Variants in RNF175 observed in about 807,000 individuals in gnomAD.
RNF175 encodes the protein ring finger protein 175.
In RNF175, 38 loss-of-function variants were observed where a neutral mutation model predicts 50.0. The observed-to-expected ratio is 0.76, with a 90% CI of 0.59 to 1.00. RNF175 has a LOEUF of 1.00. Among genes scored for constraint, RNF175 ranks in the 50% least tolerant of loss-of-function variants. The probability of loss-of-function intolerance (pLI) is 0.00; values close to 1 mark genes in which losing one functional copy is unlikely to be tolerated. For synonymous variants in RNF175, 155 were observed against 146.1 expected (o/e 1.06, Z -0.44); for missense variants, 388 against 409.6 (o/e 0.95, Z 0.46).
Position 153,720,308 on chromosome 4 carries a change from T to C in RNF175, c.510-4A>G, listed in dbSNP as rs767845740. On this transcript the variant is annotated splice_region_variant and splice_polypyrimidine_tract_variant and intron_variant, in intron 5 of 8. Transcript: ENST00000347063. ...CATGGAATCTCTAGCTTTGATTCTA[T>C]TGAAAACAACAGTATAAGGAAATAA... 2.5e-5 allele frequency: 40 copies of C among 1,612,326 alleles called. No individual in the cohort carries two copies. The highest frequency in any genetic ancestry group is 3.1e-5 in the Non-Finnish European group (37 of 1,178,512).
chr4:153,756,069 C>G (rs768803558), intron 1 of RNF175, among the ~76,000 whole-genome samples: 4 of 152,112 alleles, frequency 2.6e-5, no homozygotes, highest in Non-Finnish European at 5.9e-5. Flanking sequence ...GGTGATACAT[C>G]CTGGGCATTT....
intron 3 of RNF175, among the ~76,000 whole-genome samples, chr4:153,732,475 C>T (rs955424452): frequency 6.6e-6 from 1 of 152,142 alleles, no homozygotes; most frequent in African/African-American, 2.4e-5. Flanking sequence ...TTTGAGCAGA[C>T]ACAATGCTTT....
chr4:153,750,401 G>A (rs1740221426), intron 2 of RNF175, among the ~76,000 whole-genome samples: 1 of 152,164 alleles, frequency 6.6e-6, no homozygotes, highest in South Asian at 2.1e-4. Flanking sequence ...CAAATCCCAA[G>A]GGTGCCCCCT....
intron 5 of RNF175, among the ~76,000 whole-genome samples, chr4:153,721,793 C>T (rs1263976973): frequency 1.3e-5 from 2 of 151,990 alleles, no homozygotes; most frequent in Admixed American, 6.5e-5. Context: ...CAAAAAAATC[C>T]TTATGAGTAT....
At position 153,718,043 on chromosome 4, in the gene RNF175, A is replaced by G. The variant is rs557365087; in HGVS notation, c.630+2141T>C. On this transcript the variant is annotated intron_variant, in intron 6 of 8. Transcript: ENST00000347063. Reference sequence around the variant, plus strand: ...CTCCTTCCCTAAAGCCTTGGCAACCATGGATCTGTTTAGCAACTCTATAGT... The same window carrying G: ...CTCCTTCCCTAAAGCCTTGGCAACCGTGGATCTGTTTAGCAACTCTATAGT... 3.9e-5 allele frequency among the ~76,000 whole-genome samples: 6 copies of G among 152,092 alleles called. No individual in the cohort carries two copies. In the South Asian group the frequency reaches 1.0e-3, roughly 26 times the overall value.
intron 1 of RNF175, among the ~76,000 whole-genome samples, chr4:153,754,734 GAC>G (rs1432219711): frequency 6.6e-6 from 1 of 152,192 alleles, no homozygotes; most frequent in Admixed American, 6.5e-5. Flanking sequence ...CAGAGACACA[GAC>G]ACAGAATAGC....
chr4:153,740,765 C>G (rs947964362), intron 3 of RNF175, among the ~76,000 whole-genome samples: 2 of 152,068 alleles, frequency 1.3e-5, no homozygotes, highest in African/African-American at 4.8e-5. Flanking sequence ...GTGTTTTTTT[C>G]CTCCTTCTAG....
At chr4:153,753,449 C>T (rs12512426) in intron 1 of RNF175, among the ~76,000 whole-genome samples, 72,968 of 151,932 alleles carry the variant, frequency 0.48, 17,868 homozygotes, top group Admixed American at 0.52. Context: ...CTGGCAGCAT[C>T]ACCTCTAGAT....
At chr4:153,720,575 T>A in intron 5 of RNF175, 1 of 343,026 alleles carries the variant, frequency 2.9e-6, no homozygotes, top group Non-Finnish European at 5.6e-6. Context: ...AAGCTGACTC[T>A]GACCAGTGGT....
At chr4:153,727,641 A>G (rs948287767) in intron 4 of RNF175, 1 of 152,240 alleles carries the variant, frequency 6.6e-6, no homozygotes, top group African/African-American at 2.4e-5. Flanking sequence ...GGGCAAAAGC[A>G]AGCCTGTGGG....
At chr4:153,746,845 T>G (rs990913048) in intron 3 of RNF175, among the ~76,000 whole-genome samples, 4 of 152,232 alleles carry the variant, frequency 2.6e-5, no homozygotes, top group Non-Finnish European at 5.9e-5. Context: ...CTTTGAAATC[T>G]AAGTGGAGGC....
At chr4:153,747,362 G>A (rs1476819848) in intron 3 of RNF175, among the ~76,000 whole-genome samples, 1 of 152,108 alleles carries the variant, frequency 6.6e-6, no homozygotes, top group African/African-American at 2.4e-5. Flanking sequence ...AAGAAGCCAT[G>A]CAGGTCCTTC....
intron 1 of RNF175, among the ~76,000 whole-genome samples, chr4:153,755,357 C>A (rs983551380): frequency 6.6e-6 from 1 of 152,238 alleles, no homozygotes; most frequent in Non-Finnish European, 1.5e-5. Flanking sequence ...CTAGCAAGAG[C>A]TTAACAGTGC....
intron 1 of RNF175, among the ~76,000 whole-genome samples, chr4:153,758,988 T>C (rs369950616): frequency 6.6e-6 from 1 of 152,170 alleles, no homozygotes; most frequent in South Asian, 2.1e-4. Context: ...AATCTCTTCC[T>C]ACCCGCTCTG....
intron 3 of RNF175, among the ~76,000 whole-genome samples, chr4:153,733,202 G>T (rs765358388): frequency 1.7e-4 from 26 of 152,052 alleles, no homozygotes; most frequent in Admixed American, 1.2e-3. Flanking sequence ...TTTTGAATTA[G>T]TCTGTGTCCT....
intron 3 of RNF175, among the ~76,000 whole-genome samples, chr4:153,742,550 A>C (rs1027595917): frequency 6.6e-6 from 1 of 152,094 alleles, no homozygotes; most frequent in East Asian, 1.9e-4. Context: ...AACACTTACT[A>C]TGGATCAGCC....
At chr4:153,752,122 T>G (rs1740322126) in intron 1 of RNF175, among the ~76,000 whole-genome samples, 1 of 152,222 alleles carries the variant, frequency 6.6e-6, no homozygotes, top group Non-Finnish European at 1.5e-5. Flanking sequence ...ATGGACTACC[T>G]TTTCTAGATT....
chr4:153,758,335 A>T (rs1264533030), intron 1 of RNF175, among the ~76,000 whole-genome samples: 1 of 152,168 alleles, frequency 6.6e-6, no homozygotes, highest in East Asian at 1.9e-4. Flanking sequence ...TGCATTTTTA[A>T]CAGGCTCCCA....
chr4:153,711,101 AAATG>A (rs1330114973), intron 8 of RNF175, among the ~76,000 whole-genome samples: 1 of 152,210 alleles, frequency 6.6e-6, no homozygotes, highest in Non-Finnish European at 1.5e-5. Flanking sequence ...CTACATAAAG[AAATG>A]AATGACCCTT....
Sources: gnomAD v4.1 joint callset for allele counts (sites outside exome capture counted in the v4.1 genomes callset) on GRCh38, gnomAD v4.1.1 for gene constraint, MANE v1.5 for transcripts, NCBI Gene and HGNC (gene_info 2026-07-23, HGNC 2026-07-21) for gene names.